WDFY3: variants seen among roughly 807,000 people sequenced by gnomAD.
WDFY3 encodes WD repeat and FYVE domain-containing protein 3.
WDFY3 carries 66 observed loss-of-function variants against 409.6 expected under a neutral mutation model. The observed-to-expected ratio is 0.16, with a 90% CI of 0.13 to 0.20. The LOEUF (loss-of-function observed/expected upper bound fraction) is 0.20. Among genes scored for constraint, WDFY3 ranks in the 10% least tolerant of loss-of-function variants. The probability of loss-of-function intolerance (pLI) is 1.00; values close to 1 mark genes in which losing one functional copy is unlikely to be tolerated. For missense variants in WDFY3, 3,031 were observed against 4,298.1 expected (o/e 0.71, Z 8.24); for synonymous variants, 1,521 against 1,537.1 (o/e 0.99, Z 0.25).
intron 44 of WDFY3, among the ~76,000 whole-genome samples, chr4:84,732,360 C>T (rs539892107): frequency 7.9e-5 from 12 of 152,232 alleles, no homozygotes; most frequent in African/African-American, 2.9e-4. Context: ...ACATATTCAT[C>T]GCCTCAAATA....
rs200861661 is a variant in WDFY3 at position 84,796,857 on chromosome 4, A to AT, written c.2936-106dup. On this transcript the variant is annotated intron_variant, in intron 18 of 67. Coordinates refer to ENST00000295888, the MANE Select transcript of WDFY3 (RefSeq NM_014991.6). ...ACCACTTCAGTTTCAATAGACAATA[A>AT]TTTTTTTTTAAGTGCCAAGATCATT... 6.4e-4 allele frequency: 580 copies of AT among 911,060 alleles called. 1 individual carries two copies. Among genetic ancestry groups the AT allele is most frequent in the Admixed American group, 3.2e-3 (118 of 36,314 alleles). 56.4% of individuals were successfully genotyped at this position (911,060 alleles called of 1,614,324 possible). A position where few individuals can be genotyped will look rare whatever the true frequency, so the allele number is the denominator to read the frequency against.
chr4:84,809,841 T>G (rs781545971), intron 14 of WDFY3, 46 bp downstream of exon 14: 1 of 1,528,854 alleles, frequency 6.5e-7, no homozygotes, highest in South Asian at 1.2e-5. Flanking sequence ...GTTGAAGTCA[T>G]GCTTAGTATA....
chr4:84,865,047 CCTGT>C (rs1761185020), intron 3 of WDFY3, among the ~76,000 whole-genome samples: 1 of 151,984 alleles, frequency 6.6e-6, no homozygotes. Flanking sequence ...CACCACCATG[CCTGT>C]CTAATTTTTG....
intron 24 of WDFY3, among the ~76,000 whole-genome samples, chr4:84,784,887 T>TACACACACAC (rs1191175705): frequency 1.3e-4 from 8 of 62,338 alleles, no homozygotes; most frequent in African/African-American, 4.2e-4. Flanking sequence ...TATATATATA[T>TACACACACAC]ATATACACAC....
chr4:84,788,943 C>T (rs1404414742), intron 22 of WDFY3, among the ~76,000 whole-genome samples: 3 of 152,058 alleles, frequency 2.0e-5, no homozygotes, highest in Admixed American at 2.0e-4. Context: ...TTGCTCATAC[C>T]CAGGAGGTGG....
chr4:84,949,849 C>A (rs564673571), intron 1 of WDFY3, among the ~76,000 whole-genome samples: 1 of 152,238 alleles, frequency 6.6e-6, no homozygotes, highest in Admixed American at 6.5e-5. Context: ...TATAAGCCAA[C>A]AGAACTGCAG....
intron 5 of WDFY3, among the ~76,000 whole-genome samples, chr4:84,847,602 TAAAA>T (rs757064066): frequency 1.3e-5 from 1 of 79,140 alleles, no homozygotes; most frequent in Admixed American, 1.4e-4. Flanking sequence ...CCGTCTCTAC[TAAAA>T]AAAAAAAAAA....
chr4:84,682,563 C>A, intron 63 of WDFY3, 93 bp from the exon 64 acceptor site: 1 of 997,666 alleles, frequency 1.0e-6, no homozygotes, highest in Non-Finnish European at 1.5e-6. Flanking sequence ...TCAGGGTTAA[C>A]AGATAACTTA....
intron 62 of WDFY3, among the ~76,000 whole-genome samples, chr4:84,686,069 G>A (rs902669273): frequency 1.3e-5 from 2 of 152,158 alleles, no homozygotes; most frequent in African/African-American, 4.8e-5. Context: ...AAATTTGGAG[G>A]CCGAGGCGGG....
intron 2 of WDFY3, among the ~76,000 whole-genome samples, chr4:84,905,693 C>G (rs1007536838): frequency 2.0e-5 from 3 of 152,170 alleles, no homozygotes; most frequent in African/African-American, 7.2e-5. Flanking sequence ...CGGTGGCTTT[C>G]AGTGTGTTTA....
Position 84,790,938 on chromosome 4 carries a change from CA to C in WDFY3, c.3488-1032del, listed in dbSNP as rs923450466. 2.1e-3 allele frequency among the ~76,000 whole-genome samples: 304 copies of C among 143,682 alleles called. 1 individual carries two copies. The highest frequency in any genetic ancestry group is 6.5e-3 in the African/African-American group (256 of 39,332). The allele number at this position is 143,682 out of a possible 152,430, so 94.3% of individuals were successfully genotyped here. A position where few individuals can be genotyped will look rare whatever the true frequency, so the allele number is the denominator to read the frequency against. On this transcript the variant is annotated intron_variant, in intron 21 of 67. Transcript: ENST00000295888. ...TCACACCTGTCAGAATGGCTATTAT[CA>C]AAAAAAAAAAGTGTTGACACAAGTG...
chr4:84,942,752 C>G (rs768408363), intron 1 of WDFY3, among the ~76,000 whole-genome samples: 8 of 152,168 alleles, frequency 5.3e-5, no homozygotes, highest in Non-Finnish European at 1.2e-4. Context: ...CATTTTTCGA[C>G]AGGGTTCTTT....
At chr4:84,821,614 G>C in intron 10 of WDFY3, 63 bp from the exon 11 acceptor site, 1 of 1,362,298 alleles carries the variant, frequency 7.3e-7, no homozygotes, top group Non-Finnish European at 1.0e-6. Context: ...TGGCAAACTA[G>C]TCTGTTTAAA....
intron 53 of WDFY3, among the ~76,000 whole-genome samples, chr4:84,708,263 A>T (rs1335709644): frequency 6.6e-6 from 1 of 152,192 alleles, no homozygotes; most frequent in Non-Finnish European, 1.5e-5. Flanking sequence ...ATATGGCAGG[A>T]ACATTTTGTA....
At chr4:84,903,901 G>A (rs575702669) in intron 2 of WDFY3, among the ~76,000 whole-genome samples, 57 of 151,914 alleles carry the variant, frequency 3.8e-4, no homozygotes, top group Non-Finnish European at 6.0e-4. Context: ...GTCTCTCTCC[G>A]TCCATCCATC....
chr4:84,783,124 T>C (rs763957561), intron 24 of WDFY3, 50 bp from the exon 25 acceptor site: 3 of 1,521,524 alleles, frequency 2.0e-6, no homozygotes, highest in Non-Finnish European at 2.7e-6. Context: ...ACAGTTTCAA[T>C]GTTTTGATTG....
chr4:84,887,768 A>T (rs993982953), intron 3 of WDFY3, among the ~76,000 whole-genome samples: 4 of 152,052 alleles, frequency 2.6e-5, no homozygotes, highest in African/African-American at 9.7e-5. Context: ...CAAATCCAGT[A>T]CTCTTTTATT....
intron 18 of WDFY3, 122 bp downstream of exon 18, chr4:84,797,874 T>G: frequency 1.1e-6 from 1 of 922,184 alleles, no homozygotes; most frequent in Non-Finnish European, 1.6e-6. Flanking sequence ...CCGGGCCTGT[T>G]TCCCTATTTA....
chr4:84,948,739 T>G (rs1410779079), intron 1 of WDFY3, among the ~76,000 whole-genome samples: 2 of 152,194 alleles, frequency 1.3e-5, no homozygotes, highest in African/African-American at 4.8e-5. Context: ...AGCTTCTGCT[T>G]AGACACTTTT....
Sources: gnomAD v4.1 joint callset for allele counts (sites outside exome capture counted in the v4.1 genomes callset) on GRCh38, gnomAD v4.1.1 for gene constraint, MANE v1.5 for transcripts, NCBI Gene and HGNC (gene_info 2026-07-23, HGNC 2026-07-21) for gene names.